The following CNTNAP2 variants were observed in gnomAD, a reference collection of about 807,000 sequenced individuals.
The protein encoded by CNTNAP2 is contactin-associated protein-like 2.
CNTNAP2 carries 98 observed loss-of-function variants against 155.2 expected under a neutral mutation model. The ratio of observed to expected loss-of-function variants is 0.63; its 90% CI spans 0.54 to 0.75. The LOEUF (loss-of-function observed/expected upper bound fraction) is 0.75, where lower values mean the gene tolerates loss of function less well. Ranked by LOEUF, CNTNAP2 falls within the 30% of genes least tolerant of loss-of-function variation. The probability of loss-of-function intolerance (pLI) is 0.00; values close to 1 mark genes in which losing one functional copy is unlikely to be tolerated. For synonymous variants in CNTNAP2, 651 were observed against 631.2 expected (o/e 1.03, Z -0.47); for missense variants, 1,727 against 1,688.1 (o/e 1.02, Z -0.40).
intron 1 of CNTNAP2, among the ~76,000 whole-genome samples, chr7:146,255,125 C>T (rs1307960842): frequency 6.6e-6 from 1 of 152,042 alleles, no homozygotes; most frequent in African/African-American, 2.4e-5. Context: ...CATGTGAATA[C>T]TAACAGGTCA....
At chr7:148,062,910 GA>G (rs1030640756) in intron 15 of CNTNAP2, among the ~76,000 whole-genome samples, 2 of 151,854 alleles carry the variant, frequency 1.3e-5, no homozygotes, top group African/African-American at 4.8e-5. Flanking sequence ...AATTGGTTAA[GA>G]AAAAAGGAGA....
intron 8 of CNTNAP2, among the ~76,000 whole-genome samples, chr7:147,141,525 G>A (rs578179439): frequency 6.6e-6 from 1 of 152,014 alleles, no homozygotes; most frequent in East Asian, 1.9e-4. Context: ...CAAGATGAAG[G>A]ACATTATCAT....
At chr7:146,460,099 A>T (rs1796614041) in intron 1 of CNTNAP2, among the ~76,000 whole-genome samples, 1 of 152,220 alleles carries the variant, frequency 6.6e-6, no homozygotes, top group Non-Finnish European at 1.5e-5. Context: ...ACAAGAGCAG[A>T]TTCCTAAACT....
Position 146,745,090 on chromosome 7 carries a change from C to T in CNTNAP2, c.98-29181C>T, listed in dbSNP as rs1308072234. Among the ~76,000 whole-genome samples the T allele has an allele frequency of 2.0e-5, 3 of 152,216 alleles. No homozygotes were observed. The East Asian group carries it at 5.8e-4, about 29-fold the overall frequency. ...CAGAGTAACTGAGGATAATTCTTTG[C>T]AAACCATAACAATATTAATAGAATC... On this transcript the variant is annotated intron_variant, in intron 1 of 23. Coordinates refer to ENST00000361727, the MANE Select transcript of CNTNAP2 (RefSeq NM_014141.6).
chr7:148,097,128 G>A (rs1448981948), intron 15 of CNTNAP2, among the ~76,000 whole-genome samples: 2 of 151,884 alleles, frequency 1.3e-5, no homozygotes, highest in African/African-American at 2.4e-5. Flanking sequence ...TGGGAAAACC[G>A]AACCCTTCCC....
chr7:146,258,791 C>A (rs802566), intron 1 of CNTNAP2, among the ~76,000 whole-genome samples: 24 of 152,060 alleles, frequency 1.6e-4, no homozygotes, highest in Non-Finnish European at 3.2e-4. Flanking sequence ...TGACATTTTC[C>A]TAGCTGCATA....
At chr7:146,767,208 T>C (rs1251913751) in intron 1 of CNTNAP2, among the ~76,000 whole-genome samples, 2 of 152,176 alleles carry the variant, frequency 1.3e-5, no homozygotes, top group African/African-American at 2.4e-5. Flanking sequence ...GTTTTAGCAA[T>C]GACCTAGCAC....
In CNTNAP2 at chr7:147,218,560, T is replaced by G. The variant is rs925061883; in HGVS notation, c.1349-81581T>G. Among the ~76,000 whole-genome samples, 3 of 107,512 alleles carry G rather than the reference T, an allele frequency of 2.8e-5. No homozygotes were observed. In the East Asian group the frequency reaches 5.9e-4, roughly 21 times the overall value. 70.5% of individuals were successfully genotyped at this position (107,512 alleles called of 152,430 possible). On this transcript the variant is annotated intron_variant, in intron 8 of 23. Transcript: ENST00000361727. ...ATGTATTTTAGGATCTTCCAGCTAT[T>G]TTTTTCTGTTTTTTTTTTCTTGTTT...
At chr7:148,312,899 G>A (rs1479821767) in intron 21 of CNTNAP2, among the ~76,000 whole-genome samples, 1 of 150,882 alleles carries the variant, frequency 6.6e-6, no homozygotes, top group African/African-American at 2.4e-5. Flanking sequence ...TGTGGGTTAA[G>A]GTGGGGAGAT....
At chr7:146,930,047 TAGCAAGGCAGGCC>T (rs2129222549) in intron 3 of CNTNAP2, among the ~76,000 whole-genome samples, 1 of 152,216 alleles carries the variant, frequency 6.6e-6, no homozygotes, top group Admixed American at 6.5e-5. Flanking sequence ...TTCCCCAATC[TAGCAAGGCAGGCC>T]AACATTCAGA....
At chr7:148,196,695 C>A (rs1183483828) in intron 18 of CNTNAP2, among the ~76,000 whole-genome samples, 3 of 152,360 alleles carry the variant, frequency 2.0e-5, no homozygotes, top group Non-Finnish European at 4.4e-5. Context: ...TGACCCATCT[C>A]TTTGGCAGAG....
chr7:146,752,256 T>C (rs572902414), intron 1 of CNTNAP2, among the ~76,000 whole-genome samples: 26 of 152,270 alleles, frequency 1.7e-4, no homozygotes, highest in Admixed American at 2.0e-4. Flanking sequence ...TGTAAATGCA[T>C]TCCTATTTTT....
At chr7:146,836,150 T>A (rs967007205) in intron 2 of CNTNAP2, among the ~76,000 whole-genome samples, 3 of 152,322 alleles carry the variant, frequency 2.0e-5, no homozygotes, top group Middle Eastern at 3.4e-3. Flanking sequence ...AGCACCCATA[T>A]AACCTATGCA....
chr7:148,107,221 GT>G (rs1804242408), intron 15 of CNTNAP2, among the ~76,000 whole-genome samples: 1 of 152,100 alleles, frequency 6.6e-6, no homozygotes, highest in Non-Finnish European at 1.5e-5. Context: ...GAACAAGCCC[GT>G]TTTACCACAA....
At position 146,401,466 on chromosome 7, in the gene CNTNAP2, T is replaced by C. The variant is rs555820919; in HGVS notation, c.97+284493T>C. On this transcript the variant is annotated intron_variant, in intron 1 of 23. Transcript: ENST00000361727. Reference sequence around the variant, plus strand: ...GAGGCTTCTATGTTCCCTCATTTTTTCCCCGGCATAATATTTTGTGATTTG... The same window carrying C: ...GAGGCTTCTATGTTCCCTCATTTTTCCCCCGGCATAATATTTTGTGATTTG... Among the ~76,000 whole-genome samples the C allele has an allele frequency of 5.3e-5, 8 of 152,302 alleles. No individual in the cohort carries two copies. The South Asian group carries it at 1.7e-3, about 32-fold the overall frequency.
At chr7:147,915,419 A>G (rs1800141071) in intron 14 of CNTNAP2, among the ~76,000 whole-genome samples, 1 of 152,216 alleles carries the variant, frequency 6.6e-6, no homozygotes. Flanking sequence ...TGACATCCCA[A>G]TACTCAGTGG....
intron 1 of CNTNAP2, among the ~76,000 whole-genome samples, chr7:146,299,447 G>A (rs144580996): frequency 4.8e-3 from 730 of 152,114 alleles, no homozygotes; most frequent in Non-Finnish European, 8.6e-3. Flanking sequence ...GCAGTGTCAC[G>A]ATCATAGCTC....
chr7:147,029,324 A>C (rs2129249679), intron 3 of CNTNAP2, among the ~76,000 whole-genome samples: 1 of 151,332 alleles, frequency 6.6e-6, no homozygotes, highest in South Asian at 2.1e-4. Flanking sequence ...ATATTCAAGA[A>C]GAATTTTAAA....
chr7:147,955,627 T>A (rs1274682313), intron 14 of CNTNAP2, among the ~76,000 whole-genome samples: 1 of 152,174 alleles, frequency 6.6e-6, no homozygotes, highest in Admixed American at 6.5e-5. Flanking sequence ...TGGAGGAAAT[T>A]GATTCTATAG....
Sources: allele counts gnomAD v4.1 joint callset (sites outside exome capture counted in the v4.1 genomes callset), GRCh38; gene constraint gnomAD v4.1.1; transcripts MANE v1.5; gene names NCBI Gene and HGNC (gene_info 2026-07-23, HGNC 2026-07-21).